Variants in BOD1L1 observed in about 807,000 individuals in gnomAD.
BOD1L1 encodes the protein biorientation of chromosomes in cell division 1 like 1, also known as biorientation of chromosomes in cell division protein 1-like 1.
Under a neutral mutation model 240.7 loss-of-function variants are expected in BOD1L1, and 86 were observed. The observed-to-expected ratio is 0.36, with a 90% CI of 0.30 to 0.43. The LOEUF is 0.43. Ranked by LOEUF, BOD1L1 falls within the 20% of genes least tolerant of loss-of-function variation. The pLI is 1.00. For missense variants in BOD1L1, 3,554 were observed against 3,643.5 expected, an observed-to-expected ratio of 0.98 and a Z score of 0.63; for synonymous variants, 1,268 against 1,272.3, an observed-to-expected ratio of 1.00 and a Z score of 0.07.
intron 11 of BOD1L1, 117 bp downstream of exon 11, chr4:13,596,987 A>T: frequency 1.2e-6 from 1 of 805,224 alleles, no homozygotes; most frequent in Admixed American, 2.5e-5. Flanking sequence ...ACAACACTAA[A>T]TATCATAAGT....
rs1025994627 is a variant in BOD1L1, at chr4:13,603,788, T to C, written c.3112A>G (p.Asn1038Asp). ...SSKDIKKKDE[N>D]KSDDKDGKEV... ...TTACCATCCTTGTCATCTGATTTAT[T>C]TTCGTCCTTCTTTTTTATGTCTTTA... The change falls in exon 10 of 26, where the codon AAT (asparagine) becomes GAT (aspartate). Residue 1038 changes from asparagine (N) to aspartate (D), a missense_variant. This residue lies in a region of BOD1L1 where 3,393 missense variants were observed against 3,427.1 expected (regional missense o/e 0.99). Transcript: ENST00000040738. 2 of 1,613,508 alleles carry C rather than the reference T, an allele frequency of 1.2e-6. No homozygotes were observed. Among genetic ancestry groups the C allele is most frequent in the Non-Finnish European group, 1.7e-6 (2 of 1,179,810 alleles).
rs905860062 is a variant in BOD1L1, at chr4:13,577,070, A to G, written c.8885-79T>C. The G allele has an allele frequency of 6.6e-6, 10 of 1,508,788 alleles. No individual in the cohort carries two copies. In the Admixed American group the frequency reaches 8.8e-5, roughly 13 times the overall value. 93.5% of individuals were successfully genotyped at this position (1,508,788 alleles called of 1,614,324 possible). On this transcript the variant is annotated intron_variant, in intron 24 of 25. Transcript: ENST00000040738. Reference sequence around the variant, plus strand: ...AAGAGAGAGAGTCATGGAGTTTAGAACTTAGGATATTAGGGACTTGGAGGC... The same window carrying G: ...AAGAGAGAGAGTCATGGAGTTTAGAGCTTAGGATATTAGGGACTTGGAGGC...
rs1209227380 is a variant in BOD1L1, at chr4:13,577,670, A to G, written c.8750-39T>C. 3 of 1,448,802 alleles carry G rather than the reference A, an allele frequency of 2.1e-6. No individual in the cohort carries two copies. In the Admixed American group the frequency reaches 6.2e-5, roughly 30 times the overall value. The allele number at this position is 1,448,802 out of a possible 1,614,324, so 89.7% of individuals were successfully genotyped here. ...GAAATCTCTGCATTAATATTTTATT[A>G]CTGTAAATTTAAATTTCAACAATCA... is the stretch of plus-strand genomic sequence containing the variant. On this transcript the variant is annotated intron_variant, in intron 22 of 25. Coordinates refer to ENST00000040738, the MANE Select transcript of BOD1L1 (RefSeq NM_148894.3).
chr4:13,577,540 G>A (rs1712859578), intron 23 of BOD1L1, 42 bp downstream of exon 23: 1 of 1,595,752 alleles, frequency 6.3e-7, no homozygotes, highest in South Asian at 1.1e-5. Flanking sequence ...CATTTAAGTT[G>A]ATTTCTAAAC....
rs1374002125 is a variant in BOD1L1 at position 13,601,733 on chromosome 4, TTTC to T, written c.5164_5166del (p.Glu1722del). The T allele has an allele frequency of 6.2e-7, 1 of 1,613,902 alleles. No individual in the cohort carries two copies. The highest frequency in any genetic ancestry group is 8.5e-7 in the Non-Finnish European group (1 of 1,179,898). On this transcript the variant is annotated inframe_deletion, in exon 10 of 26. Transcript: ENST00000040738. ...CCTGTACATGTCACAGTGCCCTCTG[TTTC>T]TTTTTTGGGACCCATTCTCATCATA...
At chr4:13,581,233 C>A in intron 19 of BOD1L1, 26 bp from the exon 20 acceptor site, 2 of 1,471,670 alleles carry the variant, frequency 1.4e-6, no homozygotes, top group Non-Finnish European at 1.8e-6. Flanking sequence ...AAAACAACAA[C>A]AGCAATAAGA....
chr4:13,617,594 C>G (rs530371749), intron 2 of BOD1L1, among the ~76,000 whole-genome samples: 15 of 152,202 alleles, frequency 9.9e-5, no homozygotes, highest in Non-Finnish European at 1.9e-4. Flanking sequence ...TTATGTTTAG[C>G]TAAGTTCGTT....
At chr4:13,576,326 G>C (rs1372527007) in intron 25 of BOD1L1, among the ~76,000 whole-genome samples, 2 of 152,062 alleles carry the variant, frequency 1.3e-5, no homozygotes, top group Non-Finnish European at 2.9e-5. Flanking sequence ...GCTACAATAG[G>C]GTTTGAGAGA....
intron 9 of BOD1L1, among the ~76,000 whole-genome samples, chr4:13,605,504 G>A (rs966682116): frequency 6.6e-6 from 1 of 152,140 alleles, no homozygotes; most frequent in African/African-American, 2.4e-5. Flanking sequence ...TGTTAGGAAT[G>A]AGTTTAGATT....
At chr4:13,592,273 T>A (rs1299028649) in intron 12 of BOD1L1, 1 of 278,442 alleles carries the variant, frequency 3.6e-6, no homozygotes, top group African/African-American at 2.2e-5. Flanking sequence ...AGAAAAAAAG[T>A]AAAAGACCTT....
At position 13,604,132 on chromosome 4, in the gene BOD1L1, A is replaced by G. The variant is rs750636080; in HGVS notation, c.2768T>C (p.Val923Ala). 2 of 1,613,432 alleles carry G rather than the reference A, an allele frequency of 1.2e-6. No homozygotes were observed. Among genetic ancestry groups the G allele is most frequent in the East Asian group, 2.2e-5 (1 of 44,864 alleles). The change falls in exon 10 of 26, where the codon GTT becomes GCT. Residue 923 changes from valine (V) to alanine (A), a missense_variant. Physicochemically the swap from Val to Ala is moderately conservative, Grantham distance 64. Transcript: ENST00000040738. ...KSKTQGKQVK[V>A]VETELQEGAT... The stretch of plus-strand genomic sequence containing the variant: ...ACCTTCTTGTAATTCTGTTTCTACA[A>G]CTTTTACCTGTTTGCCTTGAGTTTT...
At chr4:13,583,088 T>C (rs185928513) in intron 17 of BOD1L1, among the ~76,000 whole-genome samples, 3 of 152,256 alleles carry the variant, frequency 2.0e-5, no homozygotes, top group African/African-American at 7.2e-5. Context: ...GATATTTATC[T>C]TTGTGGAGTG....
intron 2 of BOD1L1, among the ~76,000 whole-genome samples, chr4:13,618,494 TG>T (rs1716789717): frequency 6.6e-6 from 1 of 152,256 alleles, no homozygotes; most frequent in Non-Finnish European, 1.5e-5. Context: ...AGATCTTTTT[TG>T]TTTCTACTTT....
intron 2 of BOD1L1, among the ~76,000 whole-genome samples, chr4:13,616,149 C>T (rs189149693): frequency 6.6e-6 from 1 of 152,202 alleles, no homozygotes; most frequent in Admixed American, 6.5e-5. Flanking sequence ...ATGCTGGCCA[C>T]TGACAGCTAC....
rs1362907395 is a variant in BOD1L1 at position 13,582,373 on chromosome 4, C to T, written c.8519-63G>A. 3 of 1,279,180 alleles carry T rather than the reference C, an allele frequency of 2.3e-6. No homozygotes were observed. In the African/African-American group the frequency reaches 4.4e-5, roughly 19 times the overall value. 79.2% of individuals were successfully genotyped at this position (1,279,180 alleles called of 1,614,324 possible). ...CATGGTCAGCCTTCCCCACCTTTAC[C>T]CAGGTGACCTACACAGCTGCAGCCA... On this transcript the variant is annotated intron_variant, in intron 18 of 25. Transcript: ENST00000040738.
At chr4:13,592,072 A>C in intron 12 of BOD1L1, 106 bp from the exon 13 acceptor site, 1 of 743,166 alleles carries the variant, frequency 1.3e-6, no homozygotes, top group Non-Finnish European at 2.2e-6. Flanking sequence ...CTATGTCACC[A>C]AGTGGCTTAG....
chr4:13,572,614 T>A (rs991392484), intron 25 of BOD1L1: 1 of 1,163,566 alleles, frequency 8.6e-7, no homozygotes, highest in Admixed American at 3.0e-5. Context: ...TGAGACAAAA[T>A]CTTAAAGGAA....
chr4:13,602,843 C>A lies in BOD1L1; in HGVS notation c.4057G>T (p.Asp1353Tyr). The change falls in exon 10 of 26, where the codon GAT (aspartate) becomes TAT (tyrosine). Residue 1353 changes from aspartate (D) to tyrosine (Y), a missense_variant. Physicochemically the swap from Asp to Tyr is radical, Grantham distance 160. Coordinates refer to ENST00000040738, the MANE Select transcript of BOD1L1 (RefSeq NM_148894.3). ...GTGATGCTTGCTTTTGCTGGTGTAT[C>A]TACTGTGAAACCTTCACCACCTTCT... ...SKEGGEGFTV[D>Y]TPAKASITSK... is the part of the protein sequence containing the mutation. The A allele has an allele frequency of 6.2e-7, 1 of 1,614,000 alleles. No individual in the cohort carries two copies. Among genetic ancestry groups the A allele is most frequent in the African/African-American group, 1.3e-5 (1 of 75,046 alleles).
Position 13,602,531 on chromosome 4 carries a change from G to C in BOD1L1, c.4369C>G (p.Leu1457Val). ...TTACCTGGGCTTCTTTTATGCTTAA[G>C]TTTGACAGTTTCAGCATATTTTTCT... The part of the protein sequence containing the change: ...NTEKYAETVK[L>V]KHKRSPGKVK... Residue 1457 changes from leucine (L) to valine (V), a missense_variant, in exon 10 of 26, where the codon CTT (leucine) becomes GTT (valine). Around this residue, in one of 2 missense-constraint regions of BOD1L1, gnomAD observed 3,393 missense variants for 3,427.1 expected, o/e 0.99. Transcript: ENST00000040738. 6.2e-7 allele frequency: 1 copy of C among 1,613,938 alleles called. No individual in the cohort carries two copies. Among genetic ancestry groups the C allele is most frequent in the Non-Finnish European group, 8.5e-7 (1 of 1,179,882 alleles).
Sources: allele counts gnomAD v4.1 joint callset (sites outside exome capture counted in the v4.1 genomes callset), GRCh38; gene constraint gnomAD v4.1.1; regional missense constraint gnomAD v4.1.1; transcripts MANE v1.5; gene names NCBI Gene and HGNC (gene_info 2026-07-23, HGNC 2026-07-21).